SORCS2: variants seen among roughly 807,000 people sequenced by gnomAD.
The protein encoded by SORCS2 is VPS10 domain-containing receptor SorCS2.
A neutral mutation model predicts 141.6 loss-of-function variants in SORCS2; 100 were observed. That is an observed-to-expected ratio of 0.71 (90% CI 0.60 to 0.83). The LOEUF (loss-of-function observed/expected upper bound fraction) is 0.83, where lower values mean the gene tolerates loss of function less well. Among genes scored for constraint, SORCS2 ranks in the 40% least tolerant of loss-of-function variants. The pLI is 0.00. For synonymous variants in SORCS2, 789 were observed against 676.9 expected, an observed-to-expected ratio of 1.17 and a Z score of -2.57; for missense variants, 1,646 against 1,560.2, an observed-to-expected ratio of 1.05 and a Z score of -0.93.
intron 1 of SORCS2, among the ~76,000 whole-genome samples, chr4:7,378,975 C>A (rs535517283): frequency 1.3e-5 from 2 of 152,288 alleles, no homozygotes; most frequent in African/African-American, 4.8e-5. Context: ...GACAGCCTCT[C>A]CCTAGATGCA....
chr4:7,675,623 G>A (rs1723057309), intron 8 of SORCS2, among the ~76,000 whole-genome samples: 1 of 152,192 alleles, frequency 6.6e-6, no homozygotes, highest in African/African-American at 2.4e-5. Flanking sequence ...GAAGGAGGGA[G>A]CAGAGACTCA....
In SORCS2 at chr4:7,256,974, G is replaced by T. The variant is rs968902825; in HGVS notation, c.480+63848G>T. 2.6e-5 allele frequency among the ~76,000 whole-genome samples: 4 copies of T among 152,300 alleles called. No homozygotes were observed. In the East Asian group the frequency reaches 5.8e-4, roughly 22 times the overall value. On this transcript the variant is annotated intron_variant, in intron 1 of 26. Transcript: ENST00000507866. ...AGGTGTCATCGGTAGAGACTCGGGG[G>T]TCATTAATTTATGGCTCCTGGGCAT...
intron 1 of SORCS2, among the ~76,000 whole-genome samples, chr4:7,232,994 A>G (rs543277021): frequency 1.3e-5 from 2 of 152,254 alleles, no homozygotes; most frequent in South Asian, 4.1e-4. Flanking sequence ...GATGGCCATC[A>G]CCAGAGCTCC....
chr4:7,335,513 C>T (rs1017442275), intron 1 of SORCS2, among the ~76,000 whole-genome samples: 1 of 152,204 alleles, frequency 6.6e-6, no homozygotes, highest in African/African-American at 2.4e-5. Flanking sequence ...CTCACCCTGC[C>T]CCGCCTCTTG....
chr4:7,723,574 T>G (rs1275984465), intron 18 of SORCS2, 123 bp from the exon 19 acceptor site: 10 of 1,121,126 alleles, frequency 8.9e-6, no homozygotes, highest in Admixed American at 1.9e-5. Flanking sequence ...CAGAGCCCAC[T>G]CATGTCAAGG....
At chr4:7,677,330 G>T (rs192687879) in intron 9 of SORCS2, among the ~76,000 whole-genome samples, 198 of 152,360 alleles carry the variant, frequency 1.3e-3, no homozygotes, top group African/African-American at 4.5e-3. Flanking sequence ...CCGCTCACAG[G>T]CCTCTCCTTT....
At position 7,466,735 on chromosome 4, in the gene SORCS2, C is replaced by T. The variant is rs62277629; in HGVS notation, c.549-64795C>T. 7.9e-5 allele frequency among the ~76,000 whole-genome samples: 12 copies of T among 152,220 alleles called. No individual in the cohort carries two copies. In the South Asian group the frequency reaches 8.3e-4, roughly 11 times the overall value. Reference sequence around the variant, plus strand: ...CCCACTACATACAGGGTGTGGAAGACGGCAAATCCAGGCAGACTCCCAGCT... The same window carrying T: ...CCCACTACATACAGGGTGTGGAAGATGGCAAATCCAGGCAGACTCCCAGCT... On this transcript the variant is annotated intron_variant, in intron 2 of 26. Coordinates refer to ENST00000507866, the MANE Select transcript of SORCS2 (RefSeq NM_020777.3).
chr4:7,587,608 GC>G (rs1716623493), intron 3 of SORCS2, among the ~76,000 whole-genome samples: 1 of 152,188 alleles, frequency 6.6e-6, no homozygotes, highest in Admixed American at 6.5e-5. Flanking sequence ...TAGAGACCAG[GC>G]CACCTGGAGT....
chr4:7,737,302 T>A, intron 26 of SORCS2, 130 bp downstream of exon 26: 1 of 1,369,548 alleles, frequency 7.3e-7, no homozygotes, highest in African/African-American at 1.5e-5. Flanking sequence ...CAGCAGCCCT[T>A]GCCAGCGGGT....
intron 3 of SORCS2, among the ~76,000 whole-genome samples, chr4:7,533,348 T>G (rs1454561714): frequency 6.6e-6 from 1 of 152,212 alleles, no homozygotes; most frequent in East Asian, 1.9e-4. Context: ...GATTCAAATT[T>G]GAGACAAAGA....
intron 3 of SORCS2, among the ~76,000 whole-genome samples, chr4:7,575,751 G>C (rs1478025286): frequency 6.6e-6 from 1 of 152,220 alleles, no homozygotes; most frequent in Non-Finnish European, 1.5e-5. Flanking sequence ...GCTGACCGGT[G>C]TGTTTACGCA....
At chr4:7,699,694 G>A (rs1724935074) in intron 12 of SORCS2, among the ~76,000 whole-genome samples, 1 of 152,168 alleles carries the variant, frequency 6.6e-6, no homozygotes, top group Non-Finnish European at 1.5e-5. Context: ...TGGCAGGTGG[G>A]CTTATCCACG....
rs114623421 is a variant in SORCS2, at chr4:7,330,226, A to G, written c.481-66062A>G. Among the ~76,000 whole-genome samples the G allele has an allele frequency of 4.8e-3, 736 of 152,004 alleles. 6 individuals carry two copies. The highest frequency in any genetic ancestry group is 0.017 in the African/African-American group (704 of 41,466). ...AGGGCCATCTGGATAATCCAGGATA[A>G]TCTCCCCATCCCGAGAGCCTTCACC... On this transcript the variant is annotated intron_variant, in intron 1 of 26. Coordinates refer to ENST00000507866, the MANE Select transcript of SORCS2 (RefSeq NM_020777.3).
intron 1 of SORCS2, among the ~76,000 whole-genome samples, chr4:7,251,607 G>C (rs544055500): frequency 2.0e-5 from 3 of 152,264 alleles, no homozygotes; most frequent in Non-Finnish European, 4.4e-5. Flanking sequence ...GAGGGAGTGC[G>C]CTCCTGCCTA....
At chr4:7,387,676 A>G (rs1192438281) in intron 1 of SORCS2, among the ~76,000 whole-genome samples, 2 of 146,774 alleles carry the variant, frequency 1.4e-5, no homozygotes, top group Non-Finnish European at 3.0e-5. Flanking sequence ...ATGCACACAC[A>G]TACAGGTACA....
At chr4:7,654,095 G>A (rs201098026) in intron 4 of SORCS2, 39 bp from the exon 5 acceptor site, 26 of 1,537,576 alleles carry the variant, frequency 1.7e-5, no homozygotes, top group South Asian at 6.0e-5. Flanking sequence ...TATTCCTGAC[G>A]TCCTGACCAA....
chr4:7,319,633 G>A (rs1718774461), intron 1 of SORCS2, among the ~76,000 whole-genome samples: 1 of 152,140 alleles, frequency 6.6e-6, no homozygotes, highest in African/African-American at 2.4e-5. Context: ...AGGATCCCTT[G>A]AGTCCAGAAG....
chr4:7,552,764 C>A lies in SORCS2; in HGVS notation c.648+21135C>A, dbSNP rs555957854. On this transcript the variant is annotated intron_variant, in intron 3 of 26. Coordinates refer to ENST00000507866, the MANE Select transcript of SORCS2 (RefSeq NM_020777.3). Reference sequence around the variant, plus strand: ...CTCCCCACCTTCCTGCCTCTCCACTCCAGCACCCCTGAGCTCTGTATGAGC... The same window carrying A: ...CTCCCCACCTTCCTGCCTCTCCACTACAGCACCCCTGAGCTCTGTATGAGC... Among the ~76,000 whole-genome samples, 230 of 152,238 alleles carry A rather than the reference C, an allele frequency of 1.5e-3. 2 individuals carry two copies. The highest frequency in any genetic ancestry group is 5.3e-3 in the African/African-American group (222 of 41,554).
At chr4:7,437,061 A>G (rs1219219055) in intron 2 of SORCS2, among the ~76,000 whole-genome samples, 1 of 152,124 alleles carries the variant, frequency 6.6e-6, no homozygotes, top group Non-Finnish European at 1.5e-5. Context: ...TACAGACGCC[A>G]ACTGGGAGCC....
Sources: gnomAD v4.1 joint callset for allele counts (sites outside exome capture counted in the v4.1 genomes callset) on GRCh38, gnomAD v4.1.1 for gene constraint, MANE v1.5 for transcripts, NCBI Gene and HGNC (gene_info 2026-07-23, HGNC 2026-07-21) for gene names.